TRIM49B: variants seen among roughly 807,000 people sequenced by gnomAD.
TRIM49B encodes the protein putative tripartite motif-containing protein 49B.
A neutral mutation model predicts 31.8 loss-of-function variants in TRIM49B; 18 were observed. The ratio of observed to expected loss-of-function variants is 0.57; its 90% CI spans 0.39 to 0.84. The LOEUF (loss-of-function observed/expected upper bound fraction) is 0.84. Ranked by LOEUF, TRIM49B falls within the 40% of genes least tolerant of loss-of-function variation. The pLI is 0.00. For missense variants in TRIM49B, 494 were observed against 538.7 expected (o/e 0.92, Z 0.82); for synonymous variants, 196 against 180.6 (o/e 1.09, Z -0.68).
intron 1 of TRIM49B, among the ~76,000 whole-genome samples, chr11:49,029,658 C>T (rs1854421416): frequency 1.3e-5 from 2 of 152,124 alleles, no homozygotes; most frequent in African/African-American, 4.8e-5. Flanking sequence ...CAGCTTTATG[C>T]TGCTTTATGC....
intron 5 of TRIM49B, among the ~76,000 whole-genome samples, chr11:49,035,604 C>T (rs1349328820): frequency 2.0e-5 from 3 of 151,802 alleles, no homozygotes; most frequent in Non-Finnish European, 4.4e-5. Context: ...GTGATCCGCC[C>T]GCCTCAGCCT....
chr11:49,037,360 C>T, intron 6 of TRIM49B, 118 bp from the exon 7 acceptor site: 1 of 1,350,954 alleles, frequency 7.4e-7, no homozygotes. Flanking sequence ...CTATACTTTA[C>T]TAGAAGTTAC....
chr11:49,029,736 C>T (rs934040470), intron 1 of TRIM49B, among the ~76,000 whole-genome samples: 1 of 152,168 alleles, frequency 6.6e-6, no homozygotes, highest in Non-Finnish European at 1.5e-5. Flanking sequence ...CCAGACAGAA[C>T]CATAGGATGT....
intron 1 of TRIM49B, among the ~76,000 whole-genome samples, chr11:49,029,604 T>C (rs1419884227): frequency 6.6e-6 from 1 of 152,240 alleles, no homozygotes; most frequent in Non-Finnish European, 1.5e-5. Flanking sequence ...AATTCTAAGA[T>C]TTTTCACTGC....
chr11:49,034,951 G>A, intron 4 of TRIM49B, 144 bp from the exon 5 acceptor site: 1 of 1,435,840 alleles, frequency 7.0e-7, no homozygotes, highest in East Asian at 2.5e-5. Flanking sequence ...CATTACAGAA[G>A]AAATGAAATA....
chr11:49,034,535 T>C (rs1394986109), intron 4 of TRIM49B, among the ~76,000 whole-genome samples, 159 bp downstream of exon 4: 1 of 152,082 alleles, frequency 6.6e-6, no homozygotes, highest in East Asian at 1.9e-4. Context: ...ATAGCCCCAC[T>C]AAGGGATTCT....
chr11:49,035,417 T>C (rs1854513570), intron 5 of TRIM49B, among the ~76,000 whole-genome samples: 1 of 132,634 alleles, frequency 7.5e-6, no homozygotes. Context: ...TGGAGTGCAA[T>C]GGCGCGATCT....
chr11:49,037,083 T>C (rs1275588610), intron 6 of TRIM49B, among the ~76,000 whole-genome samples: 3 of 152,240 alleles, frequency 2.0e-5, no homozygotes. Flanking sequence ...TTTATCCAGA[T>C]ACCTAGAGCA....
intron 1 of TRIM49B, among the ~76,000 whole-genome samples, chr11:49,030,573 C>T (rs2696926): frequency 0.81 from 122,608 of 151,864 alleles, 49,814 homozygotes; most frequent in African/African-American, 0.83. Context: ...AGGAGAGAGA[C>T]GGAGGAAGTT....
chr11:49,031,926 C>T lies in TRIM49B; in HGVS notation c.327C>T (p.Ser109=), dbSNP rs1464366510. ...AGATGTTCTGTGAAGTGGACAGGAGCCTGCTCTGTTTGCTGTGCTCCAGCT... is the reference window on the plus strand; with the variant it reads ...AGATGTTCTGTGAAGTGGACAGGAGTCTGCTCTGTTTGCTGTGCTCCAGCT... The part of the protein sequence containing the change: ...TKKMFCEVDR[S]LLCLLCSSSQ... Residue 109 remains serine, a synonymous_variant, in exon 2 of 7, where the codon AGC becomes AGT. Coordinates refer to ENST00000332682, the MANE Select transcript of TRIM49B (RefSeq NM_001206626.2). 3.7e-6 allele frequency: 6 copies of T among 1,612,138 alleles called. No homozygotes were observed. Among genetic ancestry groups the T allele is most frequent in the African/African-American group, 1.3e-5 (1 of 74,974 alleles).
Position 49,036,306 on chromosome 11 carries a change from A to C in TRIM49B, c.767A>C (p.Glu256Ala). 1 of 1,538,546 alleles carries C rather than the reference A, an allele frequency of 6.5e-7. No homozygotes were observed. Among genetic ancestry groups the C allele is most frequent in the Non-Finnish European group, 8.8e-7 (1 of 1,136,042 alleles). ...CTGCAGGTTTTTCCTTGCAGGAGTG[A>C]GTCCGTGCTGCTGCACATGCCCCAG... The part of the protein sequence containing the change: ...QAFGDILHRS[E>A]SVLLHMPQPL... The change falls in exon 6 of 7, where the codon GAG (glutamate) becomes GCG (alanine). Residue 256 changes from glutamate to alanine, a missense_variant. Coordinates refer to ENST00000332682, the MANE Select transcript of TRIM49B (RefSeq NM_001206626.2).
chr11:49,031,091 T>G (rs867546658), intron 1 of TRIM49B, among the ~76,000 whole-genome samples: 23 of 152,186 alleles, frequency 1.5e-4, no homozygotes, highest in Middle Eastern at 6.8e-3. Context: ...AGGCTTGTTA[T>G]GTAGGTAAAC....
intron 2 of TRIM49B, 46 bp from the exon 3 acceptor site, chr11:49,032,230 T>C: frequency 1.2e-6 from 2 of 1,612,634 alleles, no homozygotes; most frequent in Admixed American, 1.7e-5. Context: ...GGCCCCTCCC[T>C]ATGTCATGGT....
chr11:49,034,020 A>C, intron 3 of TRIM49B, 126 bp from the exon 4 acceptor site: 1 of 1,518,550 alleles, frequency 6.6e-7, no homozygotes, highest in Admixed American at 1.8e-5. Flanking sequence ...CAAAATTTGT[A>C]GATTCTAAGA....
At position 49,034,367 on chromosome 11, in the gene TRIM49B, G is replaced by A. The variant is rs745774659; in HGVS notation, c.729G>A (p.Glu243=). The A allele has an allele frequency of 6.2e-7, 1 of 1,611,974 alleles. No individual in the cohort carries two copies. Among genetic ancestry groups the A allele is most frequent in the Non-Finnish European group, 8.5e-7 (1 of 1,179,826 alleles). Residue 243 remains glutamate, a synonymous_variant, in exon 4 of 7, where the codon GAG becomes GAA. Coordinates refer to ENST00000332682, the MANE Select transcript of TRIM49B (RefSeq NM_001206626.2). The part of the protein sequence containing the change: ...LNEMCHKPDV[E]LLQAFGDILH... ...AAATGTGCCATAAACCAGATGTGGA[G>A]CTACTTCAGGTACAAACTCGCCATG...
At chr11:49,035,999 GTC>G (rs10617427) in intron 5 of TRIM49B, among the ~76,000 whole-genome samples, 121,900 of 151,166 alleles carry the variant, frequency 0.81, 49,467 homozygotes, top group African/African-American at 0.83. Flanking sequence ...TGTCAGGGGA[GTC>G]TGCCAAGAAG....
At chr11:49,032,199 T>A (rs868743196) in intron 2 of TRIM49B, 77 bp from the exon 3 acceptor site, 1 of 1,611,178 alleles carries the variant, frequency 6.2e-7, no homozygotes, top group African/African-American at 1.3e-5. Flanking sequence ...TTACTAGGGG[T>A]TTATTTGTCT....
intron 1 of TRIM49B, 118 bp from the exon 2 acceptor site, chr11:49,031,478 G>A (rs996142108): frequency 1.3e-4 from 195 of 1,504,686 alleles, no homozygotes; most frequent in Non-Finnish European, 1.7e-4. Flanking sequence ...GAAATAGTTT[G>A]TTGTACTTTA....
chr11:49,032,618 CT>C (rs34088774), intron 3 of TRIM49B, among the ~76,000 whole-genome samples: 122,192 of 151,502 alleles, frequency 0.81, 49,603 homozygotes, highest in African/African-American at 0.83. Context: ...TCATACAAAC[CT>C]ATAGTTATAC....
Sources: gnomAD v4.1 joint callset for allele counts (sites outside exome capture counted in the v4.1 genomes callset) on GRCh38, gnomAD v4.1.1 for gene constraint, MANE v1.5 for transcripts, NCBI Gene and HGNC (gene_info 2026-07-23, HGNC 2026-07-21) for gene names.